The following SEMA3D variants were observed in gnomAD, a reference collection of about 807,000 sequenced individuals.
SEMA3D encodes semaphorin-3D.
Under a neutral mutation model 100.1 loss-of-function variants are expected in SEMA3D, and 84 were observed. That is an observed-to-expected ratio of 0.84 (90% CI 0.70 to 1.01). The LOEUF is 1.01. SEMA3D is among the 50% of genes least tolerant of loss of function. SEMA3D has a pLI of 0.00. For missense variants in SEMA3D, 875 were observed against 934.1 expected, an observed-to-expected ratio of 0.94 and a Z score of 0.82; for synonymous variants, 312 against 320.7, an observed-to-expected ratio of 0.97 and a Z score of 0.29.
intron 5 of SEMA3D, among the ~76,000 whole-genome samples, chr7:85,074,635 ATAT>A (rs199943673): frequency 1.2e-4 from 17 of 147,626 alleles, no homozygotes; most frequent in East Asian, 7.8e-4. Flanking sequence ...ATATATATAT[ATAT>A]TTTTTTTTTT....
the SEMA3D span, among the ~76,000 whole-genome samples, chr7:85,230,734 G>A: frequency 6.6e-6 from 1 of 152,124 alleles, no homozygotes; most frequent in African/African-American, 2.4e-5. Flanking sequence ...TTTCCTGAAT[G>A]TATGCTTAGT....
chr7:85,104,064 C>T (rs902358406), intron 3 of SEMA3D, among the ~76,000 whole-genome samples: 1 of 152,036 alleles, frequency 6.6e-6, no homozygotes. Flanking sequence ...ATGTTTTCCA[C>T]ATGTAGTTAG....
intron 17 of SEMA3D, among the ~76,000 whole-genome samples, chr7:85,009,385 G>A (rs1443446691): frequency 6.6e-6 from 1 of 151,556 alleles, no homozygotes; most frequent in African/African-American, 2.4e-5. Flanking sequence ...AGAAAATAAA[G>A]AAGAAAAGAA....
At chr7:85,091,074 GAGAA>G (rs901905078) in intron 4 of SEMA3D, among the ~76,000 whole-genome samples, 7 of 143,138 alleles carry the variant, frequency 4.9e-5, no homozygotes, top group Non-Finnish European at 6.0e-5. Flanking sequence ...AGGAGAGAAA[GAGAA>G]AGAGAGAGAA....
rs777864667 is a variant in SEMA3D, at chr7:85,006,899, A to G, written c.1811T>C (p.Ile604Thr). Residue 604 changes from isoleucine to threonine, a missense_variant, in exon 18 of 19, where the codon ATT becomes ACT. Ile to Thr is a moderately conservative substitution (Grantham distance 89, BLOSUM62 -1). Coordinates refer to ENST00000284136, the MANE Select transcript of SEMA3D (RefSeq NM_001384900.1). ...ETADEKVIFG[I>T]EFNSTFLECI... is the part of the protein sequence containing the mutation. ...TTCCAGAAAGGTTGAGTTAAATTCA[A>G]TGCCAAAAATCACCTTTTCATCAGC... is the stretch of plus-strand genomic sequence containing the variant. 6.2e-7 allele frequency: 1 copy of G among 1,611,002 alleles called. No individual in the cohort carries two copies. The highest frequency in any genetic ancestry group is 2.2e-5 in the East Asian group (1 of 44,728).
intron 7 of SEMA3D, 92 bp from the exon 8 acceptor site, chr7:85,065,644 T>G: frequency 2.2e-6 from 2 of 917,024 alleles, no homozygotes; most frequent in South Asian, 3.6e-5. Context: ...ACACCAAAGA[T>G]GTTTGTTTCT....
chr7:85,009,806 CCTGT>C lies in SEMA3D; in HGVS notation c.1769-2869_1769-2866del, dbSNP rs201138403. Among the ~76,000 whole-genome samples, 859 of 151,910 alleles carry C rather than the reference CCTGT, an allele frequency of 5.7e-3. 12 individuals carry two copies. The highest frequency in any genetic ancestry group is 0.019 in the African/African-American group (779 of 41,490). Reference sequence around the variant, plus strand: ...ATCCATCTGAATATCCTTCCATTTACCTGTCTATTGCACAACTGTTATTGTGTGC... The same window carrying C: ...ATCCATCTGAATATCCTTCCATTTACCTATTGCACAACTGTTATTGTGTGC... On this transcript the variant is annotated intron_variant, in intron 17 of 18. Coordinates refer to ENST00000284136, the MANE Select transcript of SEMA3D (RefSeq NM_001384900.1).
chr7:85,066,946 A>AGAGAGAGAGAGAGAGAGAGAG (rs1583889292), intron 7 of SEMA3D, among the ~76,000 whole-genome samples: 6 of 149,572 alleles, frequency 4.0e-5, no homozygotes, highest in Admixed American at 6.7e-5. Context: ...AGAGAGAGAG[A>AGAGAGAGAGAGAGAGAGAGAG]ACTCCAGCTA....
At chr7:85,079,218 A>C (rs1787981454) in intron 5 of SEMA3D, among the ~76,000 whole-genome samples, 1 of 152,216 alleles carries the variant, frequency 6.6e-6, no homozygotes. Context: ...GGATTAAATG[A>C]GGTTATACAT....
At chr7:85,247,438 A>C in the SEMA3D span, among the ~76,000 whole-genome samples, 2 of 152,136 alleles carry the variant, frequency 1.3e-5, no homozygotes, top group Non-Finnish European at 2.9e-5. Context: ...TTCTTAACTA[A>C]GACATCATGT....
chr7:85,175,897 A>G (rs1256689470), intron 1 of SEMA3D, among the ~76,000 whole-genome samples: 1 of 152,154 alleles, frequency 6.6e-6, no homozygotes, highest in Non-Finnish European at 1.5e-5. Flanking sequence ...GTTAATATAT[A>G]TAAAACTGCA....
rs932976169 is a variant in SEMA3D, at chr7:85,140,802, A to C, written c.-41+12806T>G. 5 of 926,654 alleles carry C rather than the reference A, an allele frequency of 5.4e-6. No homozygotes were observed. The African/African-American group carries it at 8.9e-5, about 17-fold the overall frequency. 57.4% of individuals were successfully genotyped at this position (926,654 alleles called of 1,614,324 possible). On this transcript the variant is annotated intron_variant, in intron 2 of 18. Coordinates refer to ENST00000284136, the MANE Select transcript of SEMA3D (RefSeq NM_001384900.1). Reference sequence around the variant, plus strand: ...TTTGCTGCTGCTTAATTATTCCATTAATAATAGACTGTGATTATTATAAAA... The same window carrying C: ...TTTGCTGCTGCTTAATTATTCCATTCATAATAGACTGTGATTATTATAAAA...
intron 1 of SEMA3D, among the ~76,000 whole-genome samples, chr7:85,180,349 T>A (rs1282143481): frequency 1.3e-5 from 2 of 152,182 alleles, no homozygotes; most frequent in African/African-American, 4.8e-5. Context: ...ATAAGTTTCC[T>A]GAGGCCTCCC....
intron 11 of SEMA3D, 66 bp from the exon 12 acceptor site, chr7:85,037,099 A>G: frequency 1.3e-6 from 2 of 1,503,412 alleles, no homozygotes; most frequent in South Asian, 1.2e-5. Context: ...GACTGAGCAC[A>G]TACTATCAGC....
intron 5 of SEMA3D, among the ~76,000 whole-genome samples, chr7:85,076,824 G>A (rs531694348): frequency 3.5e-4 from 53 of 152,184 alleles, no homozygotes; most frequent in Admixed American, 3.0e-3. Context: ...GGCTGTGCGC[G>A]GTGGCTCACG....
intron 2 of SEMA3D, among the ~76,000 whole-genome samples, chr7:85,137,330 T>C (rs1023052662): frequency 5.3e-5 from 8 of 151,976 alleles, no homozygotes; most frequent in Non-Finnish European, 4.4e-5. Context: ...ATAGGGTATA[T>C]ACAGGATATG....
At chr7:85,031,790 T>C (rs910379667) in intron 12 of SEMA3D, among the ~76,000 whole-genome samples, 2 of 151,942 alleles carry the variant, frequency 1.3e-5, no homozygotes, top group African/African-American at 4.8e-5. Flanking sequence ...TCATAAGAAG[T>C]GTTCAGTAAT....
Position 85,029,773 on chromosome 7 carries a change from G to A in SEMA3D, c.1191+7116C>T, listed in dbSNP as rs778138560. On this transcript the variant is annotated intron_variant, in intron 12 of 18. Coordinates refer to ENST00000284136, the MANE Select transcript of SEMA3D (RefSeq NM_001384900.1). ...ACCCAAATTTGTATCAAATTCTATG[G>A]CAGTTTTACGGTCGAGCTGCTATAC... The A allele has an allele frequency of 1.3e-5, 3 of 233,666 alleles. No homozygotes were observed. The Admixed American group carries it at 1.5e-4, about 12-fold the overall frequency. The allele number at this position is 233,666 out of a possible 1,614,324, so 14.5% of individuals were successfully genotyped here.
chr7:85,247,315 A>G, the SEMA3D span, among the ~76,000 whole-genome samples: 4 of 152,090 alleles, frequency 2.6e-5, no homozygotes, highest in African/African-American at 9.6e-5. Flanking sequence ...TTGCTGTCTC[A>G]TTATATAAAA....
Sources: allele counts gnomAD v4.1 joint callset (sites outside exome capture counted in the v4.1 genomes callset), GRCh38; gene constraint gnomAD v4.1.1; transcripts MANE v1.5; gene names NCBI Gene and HGNC (gene_info 2026-07-23, HGNC 2026-07-21).